The following CNTNAP2 variants were observed in gnomAD, a reference collection of about 807,000 sequenced individuals.
The protein encoded by CNTNAP2 is contactin-associated protein-like 2.
Under a neutral mutation model 155.2 loss-of-function variants are expected in CNTNAP2, and 98 were observed. The ratio of observed to expected loss-of-function variants is 0.63; its 90% CI spans 0.54 to 0.75. The LOEUF (loss-of-function observed/expected upper bound fraction) is 0.75. CNTNAP2 is among the 30% of genes least tolerant of loss of function. The pLI, the probability that CNTNAP2 is intolerant of heterozygous loss-of-function variation, is 0.00. For synonymous variants in CNTNAP2, 651 were observed against 631.2 expected (o/e 1.03, Z -0.47); for missense variants, 1,727 against 1,688.1 (o/e 1.02, Z -0.40).
At position 147,569,149 on chromosome 7, in the gene CNTNAP2, C is replaced by T. The variant is rs6965744; in HGVS notation, c.1897+6892C>T. Among the ~76,000 whole-genome samples, 229 of 152,332 alleles carry T rather than the reference C, an allele frequency of 1.5e-3. 1 individual carries two copies. Among genetic ancestry groups the T allele is most frequent in the African/African-American group, 5.1e-3 (212 of 41,572 alleles). On this transcript the variant is annotated intron_variant, in intron 12 of 23. Coordinates refer to ENST00000361727, the MANE Select transcript of CNTNAP2 (RefSeq NM_014141.6). ...AGCTGATCAAATTCTATTATCCTCT[C>T]TAATAGTGAAAGCTGTTCGTGTCTT...
intron 1 of CNTNAP2, among the ~76,000 whole-genome samples, chr7:146,651,356 AT>A (rs1471678284): frequency 1.3e-5 from 2 of 152,180 alleles, no homozygotes; most frequent in Non-Finnish European, 2.9e-5. Context: ...AGCCTGTAAC[AT>A]ATGAAGGGTC....
chr7:146,183,309 T>C (rs1798575531), intron 1 of CNTNAP2, among the ~76,000 whole-genome samples: 1 of 152,122 alleles, frequency 6.6e-6, no homozygotes, highest in African/African-American at 2.4e-5. Context: ...CCATCAGCCA[T>C]GGGATTCATT....
At chr7:147,505,430 C>A (rs1335491462) in intron 11 of CNTNAP2, among the ~76,000 whole-genome samples, 1 of 151,996 alleles carries the variant, frequency 6.6e-6, no homozygotes, top group Non-Finnish European at 1.5e-5. Flanking sequence ...CAGCGACATG[C>A]AAAAATCTCT....
intron 15 of CNTNAP2, among the ~76,000 whole-genome samples, chr7:148,090,333 G>C (rs1803814917): frequency 6.6e-6 from 1 of 152,094 alleles, no homozygotes. Flanking sequence ...TATGGAATGA[G>C]AGGATGTATT....
chr7:146,437,011 T>C (rs746553120), intron 1 of CNTNAP2, among the ~76,000 whole-genome samples: 2 of 151,518 alleles, frequency 1.3e-5, no homozygotes, highest in South Asian at 2.1e-4. Flanking sequence ...TGCTGGTGTA[T>C]GGCCTGTTAG....
At chr7:147,649,435 T>C (rs1186398050) in intron 13 of CNTNAP2, among the ~76,000 whole-genome samples, 2 of 152,154 alleles carry the variant, frequency 1.3e-5, no homozygotes, top group East Asian at 3.8e-4. Context: ...CATGTTTATT[T>C]CTCCTTGTAG....
At chr7:147,228,374 A>AACC (rs942740662) in intron 8 of CNTNAP2, among the ~76,000 whole-genome samples, 9 of 152,282 alleles carry the variant, frequency 5.9e-5, no homozygotes, top group Admixed American at 5.2e-4. Context: ...GTAATGTAGG[A>AACC]GAAAGGGGGA....
chr7:148,191,185 G>C (rs1795198518), intron 18 of CNTNAP2, among the ~76,000 whole-genome samples: 2 of 151,788 alleles, frequency 1.3e-5, no homozygotes, highest in Admixed American at 1.3e-4. Context: ...CTCATGAATG[G>C]ATTAATGCTG....
At chr7:148,102,549 C>T (rs976573140) in intron 15 of CNTNAP2, among the ~76,000 whole-genome samples, 9 of 152,110 alleles carry the variant, frequency 5.9e-5, no homozygotes, top group African/African-American at 1.2e-4. Flanking sequence ...AATATTGAAG[C>T]GGGAAATGTA....
chr7:146,904,349 G>C (rs117858145), intron 3 of CNTNAP2, among the ~76,000 whole-genome samples: 2 of 152,046 alleles, frequency 1.3e-5, no homozygotes, highest in African/African-American at 4.8e-5. Flanking sequence ...ACCTGTACTC[G>C]GTCCCTGTAA....
chr7:148,253,446 A>T (rs1263079669), intron 20 of CNTNAP2, among the ~76,000 whole-genome samples: 1 of 152,186 alleles, frequency 6.6e-6, no homozygotes, highest in Admixed American at 6.5e-5. Flanking sequence ...GTCTTAGAAT[A>T]TTATTCCTTC....
chr7:148,062,026 AGAGTGTGTGTGT>A (rs1298191129), intron 15 of CNTNAP2, among the ~76,000 whole-genome samples: 1 of 131,962 alleles, frequency 7.6e-6, no homozygotes, highest in Non-Finnish European at 1.6e-5. Context: ...AGAGAGAGAG[AGAGTGTGTGTGT>A]GTGTGTGTGT....
intron 1 of CNTNAP2, among the ~76,000 whole-genome samples, chr7:146,585,666 G>A (rs990150416): frequency 1.3e-5 from 2 of 150,594 alleles, no homozygotes; most frequent in Non-Finnish European, 2.9e-5. Flanking sequence ...AATAGGCCTA[G>A]AAATTTAGAA....
rs531760641 is a variant in CNTNAP2, at chr7:146,784,283, G to A, written c.208+9902G>A. On this transcript the variant is annotated intron_variant, in intron 2 of 23. Coordinates refer to ENST00000361727, the MANE Select transcript of CNTNAP2 (RefSeq NM_014141.6). ...TGCTATCACATTGATCCCTGCTGCCGCCTTTGAAATGGCTCTGGAATATTA... is the reference window on the plus strand; with the variant it reads ...TGCTATCACATTGATCCCTGCTGCCACCTTTGAAATGGCTCTGGAATATTA... 1.0e-3 allele frequency among the ~76,000 whole-genome samples: 159 copies of A among 152,134 alleles called. No individual in the cohort carries two copies. The Middle Eastern group carries it at 0.017, about 16-fold the overall frequency.
intron 3 of CNTNAP2, among the ~76,000 whole-genome samples, chr7:146,919,014 C>T (rs2129219381): frequency 6.6e-6 from 1 of 152,262 alleles, no homozygotes; most frequent in East Asian, 1.9e-4. Context: ...CTAAGTGTGT[C>T]CTTCATTTCC....
intron 1 of CNTNAP2, among the ~76,000 whole-genome samples, chr7:146,137,449 G>A (rs1157390388): frequency 6.6e-6 from 1 of 151,960 alleles, no homozygotes; most frequent in Admixed American, 6.6e-5. Context: ...AATGTCTGTG[G>A]CATTTTTTTT....
intron 8 of CNTNAP2, among the ~76,000 whole-genome samples, chr7:147,268,439 C>T (rs570488473): frequency 1.1e-4 from 16 of 152,042 alleles, no homozygotes; most frequent in Non-Finnish European, 1.5e-4. Context: ...CGTGTTCTCA[C>T]GCATAAGTGG....
At chr7:147,479,732 G>C (rs1798388551) in intron 10 of CNTNAP2, among the ~76,000 whole-genome samples, 1 of 134,190 alleles carries the variant, frequency 7.5e-6, no homozygotes, top group Non-Finnish European at 1.7e-5. Flanking sequence ...AAATATGCTT[G>C]CTTTTTTTTT....
chr7:146,523,714 A>G (rs1335368646), intron 1 of CNTNAP2, among the ~76,000 whole-genome samples: 3 of 152,116 alleles, frequency 2.0e-5, no homozygotes, highest in South Asian at 2.1e-4. Flanking sequence ...GTGAATGCCT[A>G]TTGTTAAAGC....
Sources: gnomAD v4.1 joint callset for allele counts (sites outside exome capture counted in the v4.1 genomes callset) on GRCh38, gnomAD v4.1.1 for gene constraint, MANE v1.5 for transcripts, NCBI Gene and HGNC (gene_info 2026-07-23, HGNC 2026-07-21) for gene names.